Variants in NRXN1 observed in about 807,000 individuals in gnomAD.
NRXN1 encodes neurexin 1, also known as neurexin-1.
In NRXN1, 39 loss-of-function variants were observed where a neutral mutation model predicts 150.9. That is an observed-to-expected ratio of 0.26 (90% CI 0.20 to 0.34). The LOEUF (loss-of-function observed/expected upper bound fraction) is 0.34, where lower values mean the gene tolerates loss of function less well. Among genes scored for constraint, NRXN1 ranks in the 10% least tolerant of loss-of-function variants. NRXN1 has a pLI of 1.00. For missense variants in NRXN1, 1,815 were observed against 1,949.9 expected (o/e 0.93, Z 1.30); for synonymous variants, 924 against 757.0 (o/e 1.22, Z -3.62).
At chr2:50,388,884 C>G (rs2081502009) in intron 17 of NRXN1, among the ~76,000 whole-genome samples, 1 of 151,986 alleles carries the variant, frequency 6.6e-6, no homozygotes, top group Admixed American at 6.6e-5. Flanking sequence ...AATATTGTTA[C>G]TTTGAGATGT....
At chr2:50,522,449 C>T (rs188866213) in intron 12 of NRXN1, among the ~76,000 whole-genome samples, 126 of 152,236 alleles carry the variant, frequency 8.3e-4, no homozygotes, top group African/African-American at 2.9e-3. Flanking sequence ...AATAACTGTG[C>T]TTGGTTTCAA....
At chr2:50,749,552 T>C (rs984946939) in intron 5 of NRXN1, among the ~76,000 whole-genome samples, 14 of 152,032 alleles carry the variant, frequency 9.2e-5, no homozygotes, top group African/African-American at 3.4e-4. Flanking sequence ...AAAGAAAATA[T>C]CTATTAAAGC....
chr2:50,869,051 A>G (rs1677373870), intron 5 of NRXN1, among the ~76,000 whole-genome samples: 2 of 151,776 alleles, frequency 1.3e-5, no homozygotes, highest in East Asian at 1.9e-4. Context: ...TCATAGTCCA[A>G]TCCTCTTTAG....
rs1575171960 is a variant in NRXN1 at position 50,347,381 on chromosome 2, G to A, written c.3365-110411C>T. 2.5e-6 allele frequency: 3 copies of A among 1,194,022 alleles called. No individual in the cohort carries two copies. The highest frequency in any genetic ancestry group is 6.7e-5 in the East Asian group (1 of 14,990). 74.0% of individuals were successfully genotyped at this position (1,194,022 alleles called of 1,614,324 possible). On this transcript the variant is annotated intron_variant, in intron 17 of 22. Coordinates refer to ENST00000401669, the MANE Select transcript of NRXN1 (RefSeq NM_001330078.2). This position sits in a 1 kb window ranked among gnomAD's most constrained non-coding sequence, Gnocchi z 4.9. ...CTTCTACATGACAGACATCCACCGC[G>A]AATCCACTAGGTAAATCCATTTAGC...
At chr2:50,948,330 A>G (rs1213747642) in intron 2 of NRXN1, among the ~76,000 whole-genome samples, 1 of 152,076 alleles carries the variant, frequency 6.6e-6, no homozygotes, top group Non-Finnish European at 1.5e-5. Context: ...CACAAATGAT[A>G]TAAGATATTG....
intron 21 of NRXN1, among the ~76,000 whole-genome samples, chr2:49,992,707 G>A (rs1682214032): frequency 6.6e-6 from 1 of 151,882 alleles, no homozygotes; most frequent in Admixed American, 6.6e-5. Flanking sequence ...AATATACAAA[G>A]AACTCGTAAA....
intron 18 of NRXN1, among the ~76,000 whole-genome samples, chr2:50,123,345 A>G (rs1704125939): frequency 6.6e-6 from 1 of 152,180 alleles, no homozygotes; most frequent in African/African-American, 2.4e-5. Flanking sequence ...TGTCTGGGAA[A>G]AAAGCATTCA....
chr2:50,255,118 T>C (rs1470725546), intron 17 of NRXN1, among the ~76,000 whole-genome samples: 1 of 152,106 alleles, frequency 6.6e-6, no homozygotes, highest in Non-Finnish European at 1.5e-5. Context: ...TATCCACATA[T>C]GTTTATAATA....
intron 8 of NRXN1, among the ~76,000 whole-genome samples, chr2:50,579,187 G>A (rs1338750037): frequency 6.6e-6 from 1 of 152,220 alleles, no homozygotes; most frequent in Non-Finnish European, 1.5e-5. Context: ...AGCAGAGCAA[G>A]TGCTTTTTGG....
intron 18 of NRXN1, among the ~76,000 whole-genome samples, chr2:50,132,592 AC>A: frequency 6.6e-6 from 1 of 152,216 alleles, no homozygotes; most frequent in South Asian, 2.1e-4. Context: ...GGCATGAGCC[AC>A]CGCGACCGGC....
intron 21 of NRXN1, among the ~76,000 whole-genome samples, chr2:49,951,895 C>G (rs1674034154): frequency 6.6e-6 from 1 of 151,862 alleles, no homozygotes; most frequent in African/African-American, 2.4e-5. Context: ...TTGCAAAATG[C>G]CTATGATGGA....
At chr2:50,844,379 A>C (rs1673324155) in intron 5 of NRXN1, among the ~76,000 whole-genome samples, 2 of 152,168 alleles carry the variant, frequency 1.3e-5, no homozygotes, top group Non-Finnish European at 2.9e-5. Flanking sequence ...CTTCGTCTAC[A>C]TTCTGTTCAC....
chr2:50,860,590 T>C (rs769753412), intron 5 of NRXN1, among the ~76,000 whole-genome samples: 15 of 151,984 alleles, frequency 9.9e-5, no homozygotes, highest in Non-Finnish European at 2.1e-4. Context: ...AACCAGCTCT[T>C]ATGGAAAGGA....
At chr2:50,772,161 T>A (rs1703088926) in intron 5 of NRXN1, among the ~76,000 whole-genome samples, 1 of 151,736 alleles carries the variant, frequency 6.6e-6, no homozygotes, top group Non-Finnish European at 1.5e-5. Context: ...CTCTATGAGG[T>A]CTCCGATGTG....
At chr2:50,672,311 G>A (rs1331977860) in intron 5 of NRXN1, among the ~76,000 whole-genome samples, 1 of 151,052 alleles carries the variant, frequency 6.6e-6, no homozygotes, top group Non-Finnish European at 1.5e-5. Context: ...AATTTCTTGT[G>A]AATTGTTTTT....
intron 5 of NRXN1, among the ~76,000 whole-genome samples, chr2:50,833,642 G>A (rs973460056): frequency 6.6e-6 from 1 of 152,258 alleles, no homozygotes; most frequent in Non-Finnish European, 1.5e-5. Context: ...ATGGGTAAAG[G>A]TGGGAGAAGA....
intron 18 of NRXN1, among the ~76,000 whole-genome samples, chr2:50,186,098 G>A (rs2061052711): frequency 6.6e-6 from 1 of 152,022 alleles, no homozygotes; most frequent in African/African-American, 2.4e-5. Flanking sequence ...GAAACTATCT[G>A]CCAGAAAACC....
intron 17 of NRXN1, among the ~76,000 whole-genome samples, chr2:50,348,225 G>A (rs745478660): frequency 1.3e-5 from 2 of 152,134 alleles, no homozygotes; most frequent in Non-Finnish European, 2.9e-5. Flanking sequence ...TCATAACAAG[G>A]ATTCTTCTTC....
At chr2:50,605,615 T>A (rs1205325177) in intron 8 of NRXN1, among the ~76,000 whole-genome samples, 1 of 151,942 alleles carries the variant, frequency 6.6e-6, no homozygotes, top group Non-Finnish European at 1.5e-5. Context: ...TGGCTATTAT[T>A]AAAAAAGACA....
Sources: allele counts gnomAD v4.1 joint callset (sites outside exome capture counted in the v4.1 genomes callset), GRCh38; gene constraint gnomAD v4.1.1; non-coding constraint Gnocchi (gnomAD v3.1); transcripts MANE v1.5; gene names NCBI Gene and HGNC (gene_info 2026-07-23, HGNC 2026-07-21).